The following CPXM2 variants were observed in gnomAD, a reference collection of about 807,000 sequenced individuals.
The protein encoded by CPXM2 is carboxypeptidase X, M14 family member 2, also known as inactive carboxypeptidase-like protein X2.
A neutral mutation model predicts 86.1 loss-of-function variants in CPXM2; 66 were observed. The observed-to-expected ratio is 0.77, with a 90% CI of 0.63 to 0.94. The LOEUF is 0.94. Ranked by LOEUF, CPXM2 falls within the 40% of genes least tolerant of loss-of-function variation. The pLI is 0.00. For missense variants in CPXM2, 948 were observed against 1,026.3 expected (o/e 0.92, Z 1.04); for synonymous variants, 388 against 400.2 (o/e 0.97, Z 0.36).
At chr10:123,875,746 T>C (rs1944972368) in intron 2 of CPXM2, among the ~76,000 whole-genome samples, 1 of 151,698 alleles carries the variant, frequency 6.6e-6, no homozygotes, top group African/African-American at 2.4e-5. Context: ...TTCACCAACA[T>C]GTTTCAGGGA....
upstream of CPXM2, among the ~76,000 whole-genome samples, chr10:123,894,112 G>A: frequency 6.6e-6 from 1 of 152,164 alleles, no homozygotes; most frequent in East Asian, 1.9e-4. Flanking sequence ...AGGACACACA[G>A]CAAGCTAGTG....
rs116435808 is a variant in CPXM2, at chr10:123,748,477, A to G, written c.2018-1460T>C. On this transcript the variant is annotated intron_variant, in intron 13 of 13. Coordinates refer to ENST00000241305, the MANE Select transcript of CPXM2 (RefSeq NM_198148.3). ...TGCACATTCTAATCTCAATTCATCC[A>G]AGACACCCCGTGCAATACACTGAGC... 2.8e-3 allele frequency among the ~76,000 whole-genome samples: 424 copies of G among 152,282 alleles called. 3 individuals carry two copies. Among genetic ancestry groups the G allele is most frequent in the African/African-American group, 9.9e-3 (412 of 41,558 alleles).
At chr10:123,811,855 C>G (rs1321408026) in intron 4 of CPXM2, among the ~76,000 whole-genome samples, 1 of 152,124 alleles carries the variant, frequency 6.6e-6, no homozygotes, top group Admixed American at 6.5e-5. Context: ...TTAGTGGTTA[C>G]GGAAATGCAA....
At chr10:123,883,353 C>A (rs1945125387) in intron 1 of CPXM2, among the ~76,000 whole-genome samples, 1 of 152,226 alleles carries the variant, frequency 6.6e-6, no homozygotes, top group Admixed American at 6.5e-5. Flanking sequence ...TGGTTCCAGT[C>A]TGGGGTGCTG....
chr10:123,891,588 T>A lies in CPXM2; in HGVS notation c.72A>T (p.Gly24=), dbSNP rs1427552828. The change falls in exon 1 of 14, where the codon GGA becomes GGT. Residue 24 remains glycine, a synonymous_variant. Transcript: ENST00000241305. The surrounding 1 kb of genome is among the most constrained non-coding windows in gnomAD (Gnocchi z 5.6). ...VLLAVTLAGV[G]AQGAALEDPD... is the part of the protein sequence containing the mutation. Reference sequence around the variant, plus strand: ...GGTCCTCGAGGGCTGCGCCCTGGGCTCCGACCCCGGCCAGGGTCACTGCCA... The same window carrying A: ...GGTCCTCGAGGGCTGCGCCCTGGGCACCGACCCCGGCCAGGGTCACTGCCA... 6.5e-7 allele frequency: 1 copy of A among 1,532,172 alleles called. No individual in the cohort carries two copies. The highest frequency in any genetic ancestry group is 2.5e-5 in the East Asian group (1 of 39,882). 94.9% of individuals were successfully genotyped at this position (1,532,172 alleles called of 1,614,324 possible). A position where few individuals can be genotyped will look rare whatever the true frequency, so the allele number is the denominator to read the frequency against.
intron 2 of CPXM2, among the ~76,000 whole-genome samples, chr10:123,910,008 G>C (rs1219483891): frequency 6.6e-6 from 1 of 152,190 alleles, no homozygotes; most frequent in East Asian, 1.9e-4. Flanking sequence ...ACCTGTACTG[G>C]TGGGTGCAGC....
chr10:123,824,034 C>A (rs1272980956), intron 4 of CPXM2, among the ~76,000 whole-genome samples: 2 of 152,172 alleles, frequency 1.3e-5, no homozygotes, highest in Non-Finnish European at 2.9e-5. Context: ...ATTTTAGGGT[C>A]ATTTTCTTCC....
Position 123,865,700 on chromosome 10 carries a change from G to A in CPXM2, c.404-2977C>T, listed in dbSNP as rs1434292186. Reference sequence around the variant, plus strand: ...GGGACGCCAAATTCACAACCGACATGGGGCACGGGACGGGCACCTGCAGCT... The same window carrying A: ...GGGACGCCAAATTCACAACCGACATAGGGCACGGGACGGGCACCTGCAGCT... On this transcript the variant is annotated intron_variant, in intron 2 of 13. Coordinates refer to ENST00000241305, the MANE Select transcript of CPXM2 (RefSeq NM_198148.3). This position sits in a 1 kb window ranked among gnomAD's most constrained non-coding sequence, Gnocchi z 4.7. Among the ~76,000 whole-genome samples, 3 of 152,178 alleles carry A rather than the reference G, an allele frequency of 2.0e-5. No individual in the cohort carries two copies. The highest frequency in any genetic ancestry group is 4.4e-5 in the Non-Finnish European group (3 of 68,034).
At chr10:123,915,527 C>T (rs948050072) in intron 2 of CPXM2, among the ~76,000 whole-genome samples, 1 of 151,954 alleles carries the variant, frequency 6.6e-6, no homozygotes. Flanking sequence ...CACTGCAGTA[C>T]AGCCTGGGCA....
At chr10:123,812,633 A>G (rs1236588670) in intron 4 of CPXM2, among the ~76,000 whole-genome samples, 1 of 152,180 alleles carries the variant, frequency 6.6e-6, no homozygotes, top group Non-Finnish European at 1.5e-5. Context: ...CACACAGCAG[A>G]AGGTGAGTGA....
At chr10:123,853,608 TAAAAG>T (rs373482412) in intron 3 of CPXM2, among the ~76,000 whole-genome samples, 3 of 152,292 alleles carry the variant, frequency 2.0e-5, no homozygotes, top group South Asian at 2.1e-4. Flanking sequence ...AATGAATAAA[TAAAAG>T]AAAGAATCTG....
rs1171341121 is a variant in CPXM2 at position 123,876,673 on chromosome 10, G to T, written c.403+3538C>A. ...GCACTTATATAATATCCTGGATTTT[G>T]GCTCTTAGCTACTAAAGCATAAAAT... On this transcript the variant is annotated intron_variant, in intron 2 of 13. Coordinates refer to ENST00000241305, the MANE Select transcript of CPXM2 (RefSeq NM_198148.3). 5.3e-5 allele frequency among the ~76,000 whole-genome samples: 8 copies of T among 152,174 alleles called. 1 individual carries two copies. In the South Asian group the frequency reaches 1.7e-3, roughly 32 times the overall value.
chr10:123,863,363 G>A (rs1212442913), intron 2 of CPXM2, among the ~76,000 whole-genome samples: 1 of 152,210 alleles, frequency 6.6e-6, no homozygotes, highest in Admixed American at 6.5e-5. Flanking sequence ...GGTGCACACA[G>A]TGAGTGTGAA....
At chr10:123,833,517 G>A (rs1004495026) in intron 4 of CPXM2, among the ~76,000 whole-genome samples, 2 of 152,194 alleles carry the variant, frequency 1.3e-5, no homozygotes, top group African/African-American at 4.8e-5. Context: ...GAGGTAAGAT[G>A]AGGCCACCCG....
In CPXM2 at chr10:123,887,800, G is replaced by T. The variant is rs9423227; in HGVS notation, c.304+3556C>A. ...ATCTTGTACTAGAATCATCTAAGAGGTTATCACTGGGGGGAGCTGACAAAG... is the reference window on the plus strand; with the variant it reads ...ATCTTGTACTAGAATCATCTAAGAGTTTATCACTGGGGGGAGCTGACAAAG... On this transcript the variant is annotated intron_variant, in intron 1 of 13. Transcript: ENST00000241305. Among the ~76,000 whole-genome samples the T allele has an allele frequency of 3.0e-3, 452 of 152,280 alleles. 2 individuals carry two copies. Among genetic ancestry groups the T allele is most frequent in the Middle Eastern group, 6.8e-3 (2 of 294 alleles).
At chr10:123,900,381 G>T (rs1945372017) in intron 2 of CPXM2, among the ~76,000 whole-genome samples, 1 of 152,184 alleles carries the variant, frequency 6.6e-6, no homozygotes, top group Non-Finnish European at 1.5e-5. Context: ...AGAAAGGGCG[G>T]ACTCCTGATA....
upstream of CPXM2, among the ~76,000 whole-genome samples, chr10:123,896,320 C>A (rs1487802093): frequency 6.6e-6 from 1 of 152,152 alleles, no homozygotes; most frequent in Non-Finnish European, 1.5e-5. Flanking sequence ...ACAGCCATTA[C>A]TAAAAATATA....
rs1848965727 is a variant in CPXM2 at position 123,865,866 on chromosome 10, G to T, written c.404-3143C>A. Among the ~76,000 whole-genome samples, 1 of 152,008 alleles carries T rather than the reference G, an allele frequency of 6.6e-6. No homozygotes were observed. ...TGCTTCTTCTCTCCCTTCCTTTCCT[G>T]GGATTTTTGCTCCTGACTCCATTCA... On this transcript the variant is annotated intron_variant, in intron 2 of 13. Coordinates refer to ENST00000241305, the MANE Select transcript of CPXM2 (RefSeq NM_198148.3). This position sits in a 1 kb window ranked among gnomAD's most constrained non-coding sequence, Gnocchi z 4.7.
chr10:123,866,058 C>T (rs78981842), intron 2 of CPXM2, among the ~76,000 whole-genome samples: 114 of 152,302 alleles, frequency 7.5e-4, no homozygotes, highest in African/African-American at 2.5e-3. Flanking sequence ...TCTTCCCTCT[C>T]GGTCCAGACC....
Sources: gnomAD v4.1 joint callset for allele counts (sites outside exome capture counted in the v4.1 genomes callset) on GRCh38, gnomAD v4.1.1 for gene constraint, Gnocchi (gnomAD v3.1) non-coding constraint, MANE v1.5 for transcripts, NCBI Gene and HGNC (gene_info 2026-07-23, HGNC 2026-07-21) for gene names.